TENM4: variants seen among roughly 807,000 people sequenced by gnomAD.
TENM4 encodes teneurin transmembrane protein 4, also known as teneurin-4.
A neutral mutation model predicts 243.3 loss-of-function variants in TENM4; 82 were observed. The observed-to-expected ratio is 0.34, with a 90% CI of 0.28 to 0.40. TENM4 has a LOEUF of 0.40. Among genes scored for constraint, TENM4 ranks in the 10% least tolerant of loss-of-function variants. TENM4 has a pLI of 1.00. For synonymous variants in TENM4, 1,412 were observed against 1,456.3 expected, an observed-to-expected ratio of 0.97 and a Z score of 0.69; for missense variants, 3,138 against 3,673.3, an observed-to-expected ratio of 0.85 and a Z score of 3.77.
intron 3 of TENM4, among the ~76,000 whole-genome samples, chr11:79,180,568 C>A (rs1863261145): frequency 6.6e-6 from 1 of 151,730 alleles, no homozygotes; most frequent in Non-Finnish European, 1.5e-5. Flanking sequence ...TGGAGACCTT[C>A]TGAAACACTT....
At chr11:79,157,088 G>A (rs1862638511) in intron 3 of TENM4, among the ~76,000 whole-genome samples, 1 of 152,142 alleles carries the variant, frequency 6.6e-6, no homozygotes, top group African/African-American at 2.4e-5. Context: ...TATTTCAAGG[G>A]AGGAAATTGT....
chr11:78,922,572 C>T (rs906428499), intron 6 of TENM4, among the ~76,000 whole-genome samples: 2 of 152,196 alleles, frequency 1.3e-5, no homozygotes, highest in Admixed American at 6.5e-5. Flanking sequence ...TTCTGAATAT[C>T]CTATCCAAAG....
chr11:78,924,030 T>C (rs1036392544), intron 6 of TENM4, among the ~76,000 whole-genome samples: 1 of 151,530 alleles, frequency 6.6e-6, no homozygotes, highest in African/African-American at 2.4e-5. Context: ...TATTTTTGTA[T>C]TTTTAGTAGA....
At chr11:78,732,723 A>G in intron 20 of TENM4, 146 bp from the exon 21 acceptor site, 1 of 939,020 alleles carries the variant, frequency 1.1e-6, no homozygotes, top group Non-Finnish European at 1.5e-6. Context: ...TAAATATTTG[A>G]CTGCAGCTCC....
At chr11:79,011,497 C>T (rs1342278130) in intron 6 of TENM4, among the ~76,000 whole-genome samples, 1 of 152,214 alleles carries the variant, frequency 6.6e-6, no homozygotes, top group Non-Finnish European at 1.5e-5. Context: ...CTGTAAGACC[C>T]TCTTCCAAGA....
intron 3 of TENM4, among the ~76,000 whole-genome samples, chr11:79,188,217 T>C (rs1348071781): frequency 6.6e-6 from 1 of 152,186 alleles, no homozygotes; most frequent in Non-Finnish European, 1.5e-5. Context: ...CTCTCACTTG[T>C]CATGGGAATT....
chr11:78,716,552 T>C (rs1859525746), intron 25 of TENM4, among the ~76,000 whole-genome samples: 1 of 152,188 alleles, frequency 6.6e-6, no homozygotes, highest in Admixed American at 6.5e-5. Context: ...GGAGTATACA[T>C]AGGAAACGCT....
intron 1 of TENM4, among the ~76,000 whole-genome samples, chr11:79,416,816 G>A (rs770309134): frequency 7.9e-5 from 12 of 151,800 alleles, no homozygotes; most frequent in African/African-American, 2.4e-4. Context: ...CTGCTTTTGC[G>A]CAAAGCTTGC....
At chr11:79,074,097 C>T (rs78794764) in intron 4 of TENM4, among the ~76,000 whole-genome samples, 119 of 152,324 alleles carry the variant, frequency 7.8e-4, no homozygotes, top group African/African-American at 2.6e-3. Flanking sequence ...GCTTCCCTGT[C>T]ACAAAGCTGA....
At chr11:78,837,104 T>C (rs749873513) in intron 12 of TENM4, among the ~76,000 whole-genome samples, 2 of 152,228 alleles carry the variant, frequency 1.3e-5, no homozygotes, top group East Asian at 1.9e-4. Flanking sequence ...CTTTCTGATA[T>C]GGTTTGGCTG....
chr11:78,959,064 T>C (rs1360729630), intron 6 of TENM4, among the ~76,000 whole-genome samples: 1 of 152,226 alleles, frequency 6.6e-6, no homozygotes, highest in Admixed American at 6.5e-5. Context: ...GGGATCCAAT[T>C]TCAGGCTTGT....
chr11:78,879,657 A>C (rs1488763399), intron 9 of TENM4, among the ~76,000 whole-genome samples: 1 of 111,350 alleles, frequency 9.0e-6, no homozygotes, highest in Non-Finnish European at 1.9e-5. Flanking sequence ...CCCGGCCGCC[A>C]CACCGTCTGG....
At chr11:78,879,436 G>C (rs1032671069) in intron 9 of TENM4, among the ~76,000 whole-genome samples, 3 of 111,288 alleles carry the variant, frequency 2.7e-5, no homozygotes, top group Non-Finnish European at 3.8e-5. Context: ...GCCCCGTCTG[G>C]GAGGTGGGGA....
Position 79,440,154 on chromosome 11 carries a change from G to A in TENM4, c.-321+355C>T, listed in dbSNP as rs1190922532. On this transcript the variant is annotated intron_variant, in intron 1 of 33. Coordinates refer to ENST00000278550, the MANE Select transcript of TENM4 (RefSeq NM_001098816.3). The surrounding 1 kb of genome is among the most constrained non-coding windows in gnomAD (Gnocchi z 4.7). Reference sequence around the variant, plus strand: ...CAGAGGGGCTGCAGGCGACCGGGCCGGGGCGGGGAACGGGATCCGGGAGAG... The same window carrying A: ...CAGAGGGGCTGCAGGCGACCGGGCCAGGGCGGGGAACGGGATCCGGGAGAG... 6.6e-6 allele frequency among the ~76,000 whole-genome samples: 1 copy of A among 152,058 alleles called. No homozygotes were observed. The highest frequency in any genetic ancestry group is 1.5e-5 in the Non-Finnish European group (1 of 67,978).
At position 78,854,315 on chromosome 11, in the gene TENM4, C is replaced by G; in HGVS notation, c.1471-1G>C. The G allele has an allele frequency of 6.7e-7, 1 of 1,499,594 alleles. No homozygotes were observed. Among genetic ancestry groups the G allele is most frequent in the Non-Finnish European group, 8.9e-7 (1 of 1,121,184 alleles). The allele number at this position is 1,499,594 out of a possible 1,614,324, so 92.9% of individuals were successfully genotyped here. ...CATCCAGCAGCTCCACAAAGTCAAA[C>G]TGAAAGACAGAGAAAGCACAGTTAG... On this transcript the variant is annotated splice_acceptor_variant, in intron 11 of 33. Coordinates refer to ENST00000278550, the MANE Select transcript of TENM4 (RefSeq NM_001098816.3). LOFTEE classifies it high-confidence loss of function.
chr11:79,237,989 G>A (rs1039486473), intron 2 of TENM4, among the ~76,000 whole-genome samples: 1 of 152,108 alleles, frequency 6.6e-6, no homozygotes, highest in Admixed American at 6.5e-5. Context: ...TACAGCCACC[G>A]AGCTGCTAAA....
chr11:78,972,002 T>C (rs987237154), intron 6 of TENM4, among the ~76,000 whole-genome samples: 1 of 152,214 alleles, frequency 6.6e-6, no homozygotes, highest in Non-Finnish European at 1.5e-5. Flanking sequence ...ATGGGTGCAA[T>C]CTGTATAAAA....
chr11:78,991,929 T>A (rs1364300065), intron 6 of TENM4, among the ~76,000 whole-genome samples: 3 of 152,222 alleles, frequency 2.0e-5, no homozygotes, highest in African/African-American at 7.2e-5. Context: ...GAAACCCCAT[T>A]CTATTTTGAG....
At chr11:79,360,465 C>A (rs553886251) in intron 1 of TENM4, among the ~76,000 whole-genome samples, 2 of 152,314 alleles carry the variant, frequency 1.3e-5, no homozygotes, top group South Asian at 4.1e-4. Context: ...AGGAATTTAT[C>A]TTTGATCAAG....
Sources: allele counts gnomAD v4.1 joint callset (sites outside exome capture counted in the v4.1 genomes callset), GRCh38; gene constraint gnomAD v4.1.1; non-coding constraint Gnocchi (gnomAD v3.1); transcripts MANE v1.5; gene names NCBI Gene and HGNC (gene_info 2026-07-23, HGNC 2026-07-21).